Variants in UTRN observed in about 807,000 individuals in gnomAD.
UTRN encodes the protein utrophin, also known as dystrophin-related protein 1.
UTRN carries 283 observed loss-of-function variants against 463.9 expected under a neutral mutation model. That is an observed-to-expected ratio of 0.61 (90% CI 0.55 to 0.67). UTRN has a LOEUF of 0.67. Ranked by LOEUF, UTRN falls within the 30% of genes least tolerant of loss-of-function variation. UTRN has a pLI of 0.00. For missense variants in UTRN, 3,922 were observed against 4,084.3 expected, an observed-to-expected ratio of 0.96 and a Z score of 1.08; for synonymous variants, 1,442 against 1,431.5, an observed-to-expected ratio of 1.01 and a Z score of -0.17.
intron 41 of UTRN, among the ~76,000 whole-genome samples, chr6:144,524,903 G>A (rs965693673): frequency 4.6e-5 from 7 of 152,250 alleles, no homozygotes; most frequent in South Asian, 4.1e-4. Context: ...TAATCATAAA[G>A]GGATGCTAGA....
At chr6:144,633,409 T>G (rs779345736) in intron 51 of UTRN, among the ~76,000 whole-genome samples, 2 of 152,138 alleles carry the variant, frequency 1.3e-5, no homozygotes, top group Non-Finnish European at 2.9e-5. Context: ...TTTTGTATTT[T>G]TTTTAGTAAA....
intron 19 of UTRN, among the ~76,000 whole-genome samples, chr6:144,455,410 A>G (rs527297864): frequency 1.3e-5 from 2 of 152,338 alleles, no homozygotes; most frequent in South Asian, 2.1e-4. Context: ...AGATTCATTC[A>G]ATAATTATAA....
chr6:144,398,350 T>G, intron 2 of UTRN: 1 of 358,446 alleles, frequency 2.8e-6, no homozygotes, highest in South Asian at 2.7e-5. Flanking sequence ...CACTTGTGCC[T>G]TTTCACTTAT....
intron 51 of UTRN, among the ~76,000 whole-genome samples, chr6:144,656,065 G>C (rs1380160333): frequency 1.3e-5 from 2 of 152,086 alleles, no homozygotes; most frequent in Non-Finnish European, 2.9e-5. Flanking sequence ...GAAACTCTAT[G>C]TCTATGTTTG....
chr6:144,499,466 G>A (rs183558727), intron 34 of UTRN, 39 bp downstream of exon 34: 2 of 1,532,320 alleles, frequency 1.3e-6, no homozygotes, highest in South Asian at 1.3e-5. Flanking sequence ...CATGATGCCA[G>A]CGTAACATGG....
intron 40 of UTRN, among the ~76,000 whole-genome samples, chr6:144,522,591 T>G (rs1009376937): frequency 6.6e-6 from 1 of 152,214 alleles, no homozygotes; most frequent in African/African-American, 2.4e-5. Context: ...GCAAGGCATT[T>G]TCATGTAACT....
At chr6:144,657,460 T>C (rs981842438) in intron 51 of UTRN, among the ~76,000 whole-genome samples, 2 of 152,134 alleles carry the variant, frequency 1.3e-5, no homozygotes, top group African/African-American at 4.8e-5. Flanking sequence ...GAGAACATAC[T>C]CTTGTTCCTT....
At chr6:144,645,874 T>C (rs1255363173) in intron 51 of UTRN, among the ~76,000 whole-genome samples, 1 of 152,114 alleles carries the variant, frequency 6.6e-6, no homozygotes, top group African/African-American at 2.4e-5. Context: ...AGCAACTCTT[T>C]AAAAAAATTT....
At chr6:144,312,295 G>C (rs1424985763) in intron 2 of UTRN, among the ~76,000 whole-genome samples, 1 of 152,078 alleles carries the variant, frequency 6.6e-6, no homozygotes, top group Non-Finnish European at 1.5e-5. Context: ...CTGATGGCAG[G>C]CGCCTGTAGT....
At chr6:144,678,675 C>A (rs764916739) in intron 52 of UTRN, 97 bp downstream of exon 52, 13 of 1,099,188 alleles carry the variant, frequency 1.2e-5, no homozygotes, top group Admixed American at 8.6e-5. Flanking sequence ...GCCTTACCAC[C>A]ACTTCTATTT....
chr6:144,308,918 T>C (rs1805992146), intron 2 of UTRN, among the ~76,000 whole-genome samples: 1 of 152,176 alleles, frequency 6.6e-6, no homozygotes, highest in East Asian at 1.9e-4. Context: ...TGTACCAACA[T>C]TTGCAGTTCG....
intron 51 of UTRN, among the ~76,000 whole-genome samples, chr6:144,646,698 A>G (rs1355678940): frequency 6.6e-6 from 1 of 152,106 alleles, no homozygotes; most frequent in Non-Finnish European, 1.5e-5. Flanking sequence ...TGGGAAAGCA[A>G]ATGTATCAGG....
chr6:144,702,962 C>T (rs904714568), intron 53 of UTRN, among the ~76,000 whole-genome samples: 1 of 152,104 alleles, frequency 6.6e-6, no homozygotes, highest in Non-Finnish European at 1.5e-5. Flanking sequence ...ATGTAGGTAT[C>T]TATAGTGCTG....
At position 144,482,467 on chromosome 6, in the gene UTRN, C is replaced by T. The variant is rs117628705; in HGVS notation, c.3687+79C>T. The T allele has an allele frequency of 5.1e-3, 5,011 of 989,420 alleles. 30 individuals are homozygous for T. The highest frequency in any genetic ancestry group is 8.7e-3 in the Middle Eastern group (21 of 2,402). The allele number at this position is 989,420 out of a possible 1,614,324, so 61.3% of individuals were successfully genotyped here. ...TTTTCAGTGATGTATTTCTGAGATC[C>T]AAACTCTGTAATGTTTTGGCCATTT... is the stretch of plus-strand genomic sequence containing the variant. On this transcript the variant is annotated intron_variant, in intron 27 of 74. Transcript: ENST00000367545.
At chr6:144,317,617 G>A (rs187724973) in intron 2 of UTRN, among the ~76,000 whole-genome samples, 13 of 152,062 alleles carry the variant, frequency 8.5e-5, no homozygotes, top group South Asian at 2.1e-4. Flanking sequence ...GGTTGGTCTC[G>A]AACTCCTGAC....
At chr6:144,404,970 T>A (rs1783255465) in intron 3 of UTRN, among the ~76,000 whole-genome samples, 1 of 152,188 alleles carries the variant, frequency 6.6e-6, no homozygotes, top group African/African-American at 2.4e-5. Flanking sequence ...GGGCTTTAAG[T>A]CCCATGTAAA....
chr6:144,702,470 A>G (rs1045709284), intron 53 of UTRN, among the ~76,000 whole-genome samples: 1 of 152,242 alleles, frequency 6.6e-6, no homozygotes, highest in Non-Finnish European at 1.5e-5. Flanking sequence ...TGGTGACTCA[A>G]TAATGAACAA....
intron 3 of UTRN, among the ~76,000 whole-genome samples, chr6:144,415,845 G>A (rs1024219884): frequency 8.5e-5 from 13 of 152,176 alleles, no homozygotes; most frequent in Admixed American, 8.5e-4. Flanking sequence ...TTGACACAAT[G>A]ACCATGGTAA....
chr6:144,485,774 CT>C (rs2128576306), intron 28 of UTRN, among the ~76,000 whole-genome samples: 1 of 152,304 alleles, frequency 6.6e-6, no homozygotes, highest in African/African-American at 2.4e-5. Context: ...TTGAAGCACT[CT>C]AGTGGTTTTC....
Sources: allele counts gnomAD v4.1 joint callset (sites outside exome capture counted in the v4.1 genomes callset), GRCh38; gene constraint gnomAD v4.1.1; transcripts MANE v1.5; gene names NCBI Gene and HGNC (gene_info 2026-07-23, HGNC 2026-07-21).